Variants in SFMBT2 observed in about 807,000 individuals in gnomAD.
SFMBT2 encodes Scm like with four mbt domains 2.
SFMBT2 carries 38 observed loss-of-function variants against 110.1 expected under a neutral mutation model. The observed-to-expected ratio is 0.35, with a 90% confidence interval of 0.27 to 0.45. SFMBT2 has a LOEUF of 0.45. Among genes scored for constraint, SFMBT2 ranks in the 20% least tolerant of loss-of-function variants. The pLI is 1.00. For missense variants in SFMBT2, 1,011 were observed against 1,094.9 expected (o/e 0.92, Z 1.08); for synonymous variants, 425 against 425.4 (o/e 1.00, Z 0.01).
At chr10:7,357,753 A>G (rs1317810470) in intron 4 of SFMBT2, among the ~76,000 whole-genome samples, 1 of 152,222 alleles carries the variant, frequency 6.6e-6, no homozygotes, top group Non-Finnish European at 1.5e-5. Flanking sequence ...AAGCTTTAAC[A>G]TGATTCTAGA....
At chr10:7,359,645 G>A (rs1490133687) in intron 4 of SFMBT2, among the ~76,000 whole-genome samples, 1 of 152,200 alleles carries the variant, frequency 6.6e-6, no homozygotes, top group African/African-American at 2.4e-5. Flanking sequence ...AATAGCATCT[G>A]ATGCAATTTA....
intron 4 of SFMBT2, chr10:7,286,342 G>A (rs767693107): frequency 1.1e-6 from 1 of 926,122 alleles, no homozygotes; most frequent in Non-Finnish European, 1.3e-6. Context: ...ACCAGGCCCC[G>A]AATTACATGA....
chr10:7,310,510 T>G (rs1371124193), intron 4 of SFMBT2, among the ~76,000 whole-genome samples: 5 of 152,176 alleles, frequency 3.3e-5, no homozygotes, highest in African/African-American at 1.2e-4. Context: ...AATACAGTAG[T>G]CCATTCTCTA....
intron 20 of SFMBT2, chr10:7,164,304 T>A: frequency 1.5e-6 from 1 of 668,414 alleles, no homozygotes; most frequent in Non-Finnish European, 1.9e-6. Flanking sequence ...GAGGATCACC[T>A]GAACCCAGGA....
At chr10:7,253,786 T>G (rs1416926879) in intron 7 of SFMBT2, among the ~76,000 whole-genome samples, 11 of 140,416 alleles carry the variant, frequency 7.8e-5, no homozygotes, top group African/African-American at 2.9e-4. Context: ...CTTCCAGCCC[T>G]AACTTTCACT....
At chr10:7,258,542 A>G (rs1179395777) in intron 7 of SFMBT2, among the ~76,000 whole-genome samples, 1 of 152,242 alleles carries the variant, frequency 6.6e-6, no homozygotes, top group Non-Finnish European at 1.5e-5. Flanking sequence ...CAAGGCCTCC[A>G]TTAATCTGCA....
At chr10:7,216,403 G>C (rs1453170779) in intron 11 of SFMBT2, among the ~76,000 whole-genome samples, 2 of 151,948 alleles carry the variant, frequency 1.3e-5, no homozygotes, top group African/African-American at 2.4e-5. Flanking sequence ...TTCCCTTTTT[G>C]CTTGGCCTCA....
intron 16 of SFMBT2, among the ~76,000 whole-genome samples, chr10:7,177,282 G>A (rs1838094249): frequency 6.6e-6 from 1 of 152,120 alleles, no homozygotes; most frequent in African/African-American, 2.4e-5. Context: ...ATTAGACTGA[G>A]GTCTTTGGAA....
intron 12 of SFMBT2, 82 bp from the exon 13 acceptor site, chr10:7,202,604 A>G (rs1341500146): frequency 6.2e-7 from 1 of 1,605,594 alleles, no homozygotes; most frequent in Non-Finnish European, 8.5e-7. Context: ...TATAAAGCAA[A>G]GAGGTACCCA....
At chr10:7,177,618 T>A (rs2762619) in intron 16 of SFMBT2, among the ~76,000 whole-genome samples, 146,399 of 152,252 alleles carry the variant, frequency 0.96, 70,650 homozygotes, top group East Asian at 1. Context: ...TCATCTCAGC[T>A]CTTTGGGAGG....
intron 4 of SFMBT2, among the ~76,000 whole-genome samples, chr10:7,333,416 A>G (rs1843620102): frequency 6.8e-6 from 1 of 147,244 alleles, no homozygotes; most frequent in Non-Finnish European, 1.5e-5. Flanking sequence ...TTTAAGGGAC[A>G]GGGTTTCACT....
intron 12 of SFMBT2, 97 bp downstream of exon 12, chr10:7,205,718 T>C: frequency 6.8e-7 from 1 of 1,466,666 alleles, no homozygotes; most frequent in South Asian, 1.4e-5. Flanking sequence ...ATCTTATTTG[T>C]TCTTTAGAAC....
At chr10:7,169,167 C>T (rs1022131247) in intron 20 of SFMBT2, among the ~76,000 whole-genome samples, 1 of 151,860 alleles carries the variant, frequency 6.6e-6, no homozygotes, top group Non-Finnish European at 1.5e-5. Context: ...GGTTTTGCCA[C>T]GTTGGCCAGG....
chr10:7,185,131 C>A (rs1252184202), intron 16 of SFMBT2, among the ~76,000 whole-genome samples: 1 of 152,186 alleles, frequency 6.6e-6, no homozygotes, highest in Non-Finnish European at 1.5e-5. Context: ...TACTGCTCCT[C>A]CAGAATGTCT....
chr10:7,342,610 C>CGTGTTAGCCGGG (rs1018103775), intron 4 of SFMBT2, among the ~76,000 whole-genome samples: 2 of 151,900 alleles, frequency 1.3e-5, no homozygotes, highest in Admixed American at 1.3e-4. Context: ...AGGGTTTCAC[C>CGTGTTAGCCGGG]ATGGTCTCGA....
intron 11 of SFMBT2, chr10:7,214,662 A>C (rs1839471577): frequency 2.0e-6 from 2 of 985,396 alleles, no homozygotes; most frequent in African/African-American, 1.7e-5. Flanking sequence ...TGTGCTTGTC[A>C]GTGTGGAATG....
intron 4 of SFMBT2, among the ~76,000 whole-genome samples, chr10:7,331,630 C>T (rs1214234988): frequency 6.6e-6 from 1 of 152,154 alleles, no homozygotes; most frequent in Non-Finnish European, 1.5e-5. Context: ...TCTTCCTGCG[C>T]CCCCAACACT....
intron 2 of SFMBT2, among the ~76,000 whole-genome samples, chr10:7,373,724 T>C (rs1845123122): frequency 6.6e-6 from 1 of 152,036 alleles, no homozygotes; most frequent in African/African-American, 2.4e-5. Context: ...TGAAACAGTC[T>C]ACAGCCAAAA....
chr10:7,304,951 G>A (rs1373511306), intron 4 of SFMBT2, among the ~76,000 whole-genome samples: 1 of 152,208 alleles, frequency 6.6e-6, no homozygotes, highest in Non-Finnish European at 1.5e-5. Context: ...GAAACAGCAT[G>A]GCAGGAGGAC....
Sources: allele counts gnomAD v4.1 joint callset (sites outside exome capture counted in the v4.1 genomes callset), GRCh38; gene constraint gnomAD v4.1.1; transcripts MANE v1.5; gene names NCBI Gene and HGNC (gene_info 2026-07-23, HGNC 2026-07-21).